The following PLET1 variants were observed in gnomAD, a reference collection of about 807,000 sequenced individuals.
The protein encoded by PLET1 is placenta-expressed transcript 1 protein.
PLET1 carries 20 observed loss-of-function variants against 18.5 expected under a neutral mutation model. The ratio of observed to expected loss-of-function variants is 1.08; its 90% CI spans 0.76 to 1.57. The LOEUF (loss-of-function observed/expected upper bound fraction) is 1.57. PLET1 is among the 40% of genes most tolerant of loss of function. PLET1 has a pLI of 0.00. For missense variants in PLET1, 256 were observed against 246.4 expected, an observed-to-expected ratio of 1.04 and a Z score of -0.26; for synonymous variants, 93 against 93.8, an observed-to-expected ratio of 0.99 and a Z score of 0.05.
chr11:112,258,010 C>T (rs982371081), intron 1 of PLET1, among the ~76,000 whole-genome samples: 5 of 152,182 alleles, frequency 3.3e-5, no homozygotes, highest in Non-Finnish European at 5.9e-5. Flanking sequence ...TATCATGAGT[C>T]AATTTGCCAC....
intron 1 of PLET1, among the ~76,000 whole-genome samples, chr11:112,259,661 T>A (rs1237227544): frequency 3.9e-5 from 6 of 152,206 alleles, no homozygotes; most frequent in Admixed American, 3.9e-4. Flanking sequence ...CTGTGTTGTT[T>A]ATTAGATTTT....
intron 1 of PLET1, among the ~76,000 whole-genome samples, chr11:112,258,273 C>A (rs984199585): frequency 7.5e-6 from 1 of 133,772 alleles, no homozygotes; most frequent in African/African-American, 2.7e-5. Context: ...TGATAGATTT[C>A]TTTCTTTCTT....
intron 2 of PLET1, 107 bp downstream of exon 2, chr11:112,255,281 C>G (rs949760858): frequency 2.6e-6 from 3 of 1,167,650 alleles, no homozygotes; most frequent in African/African-American, 1.5e-5. Context: ...GCTGAGTTCT[C>G]CATATCACGT....
intron 3 of PLET1, among the ~76,000 whole-genome samples, chr11:112,249,598 G>T (rs532357003): frequency 6.6e-6 from 1 of 152,252 alleles, no homozygotes; most frequent in South Asian, 2.1e-4. Context: ...GTCCTGAGGG[G>T]TTGTCTGATC....
At position 112,260,389 on chromosome 11, in the gene PLET1, G is replaced by T. The variant is rs1374394838; in HGVS notation, c.184+17C>A. The T allele has an allele frequency of 6.5e-7, 1 of 1,545,016 alleles. No homozygotes were observed. Among genetic ancestry groups the T allele is most frequent in the East Asian group, 2.4e-5 (1 of 40,882 alleles). On this transcript the variant is annotated intron_variant, in intron 1 of 3. Transcript: ENST00000338832. Reference sequence around the variant, plus strand: ...CTCAGGGAACAAAGGACAGCAGAGAGCATGGCTTCTACTCACCAGAATAGA... The same window carrying T: ...CTCAGGGAACAAAGGACAGCAGAGATCATGGCTTCTACTCACCAGAATAGA...
chr11:112,251,342 G>C (rs1464399032), intron 3 of PLET1, among the ~76,000 whole-genome samples: 2 of 151,898 alleles, frequency 1.3e-5, no homozygotes, highest in Non-Finnish European at 1.5e-5. Context: ...CCAGTGCTTT[G>C]GGAGGCTGAG....
Position 112,248,590 on chromosome 11 carries a change from T to A in PLET1, c.*209A>T. On this transcript the variant is annotated 3_prime_UTR_variant, in exon 4 of 4. Coordinates refer to ENST00000338832, the MANE Select transcript of PLET1 (RefSeq NM_001145024.1). Reference sequence around the variant, plus strand: ...ATATTTTCAAAAAGTGTAATATGTGTCCTGAAAGATCCAGATGAACATCTA... The same window carrying A: ...ATATTTTCAAAAAGTGTAATATGTGACCTGAAAGATCCAGATGAACATCTA... 1.7e-6 allele frequency: 1 copy of A among 593,866 alleles called. No homozygotes were observed. The allele number at this position is 593,866 out of a possible 1,614,324, so 36.8% of individuals were successfully genotyped here.
At chr11:112,249,088 A>T (rs1860129397) in intron 3 of PLET1, 114 bp from the exon 4 acceptor site, 1 of 957,002 alleles carries the variant, frequency 1.0e-6, no homozygotes, top group African/African-American at 1.7e-5. Context: ...CTAGAGCCAG[A>T]TTCATGAGCA....
At chr11:112,255,705 C>A (rs939905619) in intron 1 of PLET1, 116 bp from the exon 2 acceptor site, 3 of 852,484 alleles carry the variant, frequency 3.5e-6, no homozygotes, top group Non-Finnish European at 5.7e-6. Flanking sequence ...AAAGAATATG[C>A]ACATCGAGTA....
At chr11:112,255,630 C>T in intron 1 of PLET1, 41 bp from the exon 2 acceptor site, 1 of 1,527,642 alleles carries the variant, frequency 6.5e-7, no homozygotes, top group Non-Finnish European at 8.9e-7. Flanking sequence ...CATCTGTTCC[C>T]TCTGAGCCAA....
At chr11:112,249,963 TAAA>T (rs61227342) in intron 3 of PLET1, among the ~76,000 whole-genome samples, 36 of 105,494 alleles carry the variant, frequency 3.4e-4, no homozygotes, top group African/African-American at 6.2e-4. Context: ...TCTCAAAAAT[TAAA>T]AAAAAAAAAA....
chr11:112,251,773 A>G (rs2135416472), intron 3 of PLET1, among the ~76,000 whole-genome samples: 1 of 152,278 alleles, frequency 6.6e-6, no homozygotes, highest in Non-Finnish European at 1.5e-5. Flanking sequence ...AATGGGGAAG[A>G]AGATGGGCGA....
chr11:112,258,061 A>G (rs1860243260), intron 1 of PLET1, among the ~76,000 whole-genome samples: 1 of 152,140 alleles, frequency 6.6e-6, no homozygotes, highest in South Asian at 2.1e-4. Flanking sequence ...ATGGAATTGG[A>G]TAAAGTTTGG....
intron 1 of PLET1, among the ~76,000 whole-genome samples, chr11:112,259,969 C>T (rs1326206064): frequency 2.0e-5 from 3 of 152,062 alleles, no homozygotes; most frequent in African/African-American, 7.2e-5. Context: ...ACCCAGGAGG[C>T]GGAGGTTGCA....
Position 112,260,555 on chromosome 11 carries a change from A to T in PLET1, c.35T>A (p.Leu12Gln). 6.4e-7 allele frequency: 1 copy of T among 1,551,638 alleles called. No homozygotes were observed. The highest frequency in any genetic ancestry group is 1.7e-4 in the Middle Eastern group (1 of 5,956). Residue 12 changes from leucine (L) to glutamine (Q), a missense_variant, in exon 1 of 4, where the codon CTG becomes CAG. By Grantham distance (113) the Leu-to-Gln change is moderately radical. Transcript: ENST00000338832. Reference sequence around the variant, plus strand: ...CAGACTGAGGCACAGAAACATCCCCAGTGGCTGCAGCAGCATGTCATGGAA... The same window carrying T: ...CAGACTGAGGCACAGAAACATCCCCTGTGGCTGCAGCAGCATGTCATGGAA... Reference protein sequence around the residue: ...AVFHDMLLQPLGMFLCLSLQL... With the variant: ...AVFHDMLLQPQGMFLCLSLQL...
rs1860120668 is a variant in PLET1, at chr11:112,248,218, G to GT, written c.*580dup. On this transcript the variant is annotated 3_prime_UTR_variant, in exon 4 of 4. Coordinates refer to ENST00000338832, the MANE Select transcript of PLET1 (RefSeq NM_001145024.1). ...GTGACAAAAATGTTTTTATAACATA[G>GT]TTTTTTTCTATATTGGCTTCTCAGA... is the stretch of plus-strand genomic sequence containing the variant. Among the ~76,000 whole-genome samples, 1 of 152,130 alleles carries GT rather than the reference G, an allele frequency of 6.6e-6. No homozygotes were observed. Among genetic ancestry groups the GT allele is most frequent in the Non-Finnish European group, 1.5e-5 (1 of 68,010 alleles).
At chr11:112,258,536 G>T (rs980875557) in intron 1 of PLET1, among the ~76,000 whole-genome samples, 11 of 152,046 alleles carry the variant, frequency 7.2e-5, no homozygotes, top group African/African-American at 2.4e-4. Flanking sequence ...TGCCTGCCTT[G>T]ACCTCCCAAA....
chr11:112,249,783 C>A (rs986320805), intron 3 of PLET1, among the ~76,000 whole-genome samples: 1 of 151,722 alleles, frequency 6.6e-6, no homozygotes, highest in Non-Finnish European at 1.5e-5. Flanking sequence ...ATGGTGAAAC[C>A]CTGTCTCTAC....
chr11:112,255,081 TATGTGTGGTGTGTGTGGTATGTATGTGTG>T (rs1469155854), intron 2 of PLET1, among the ~76,000 whole-genome samples: 23 of 17,088 alleles, frequency 1.3e-3, no homozygotes, highest in Non-Finnish European at 2.9e-3. Context: ...GTGTGTGTGG[TATGTGTGGTGTGTGTGGTATGTATGTGTG>T]GTGTATGTGT....
Sources: gnomAD v4.1 joint callset for allele counts (sites outside exome capture counted in the v4.1 genomes callset) on GRCh38, gnomAD v4.1.1 for gene constraint, MANE v1.5 for transcripts, NCBI Gene and HGNC (gene_info 2026-07-23, HGNC 2026-07-21) for gene names.